Variants in MYT1L observed in about 807,000 individuals in gnomAD.
MYT1L encodes myelin transcription factor 1 like.
In MYT1L, 12 loss-of-function variants were observed where a neutral mutation model predicts 126.7. The ratio of observed to expected loss-of-function variants is 0.09; its 90% CI spans 0.06 to 0.15. The LOEUF is 0.15. MYT1L is among the 10% of genes least tolerant of loss of function. The pLI is 1.00. For synonymous variants in MYT1L, 541 were observed against 604.2 expected (o/e 0.90, Z 1.53); for missense variants, 979 against 1,585.2 (o/e 0.62, Z 6.49).
chr2:2,276,896 C>G (rs1459495518), intron 2 of MYT1L, among the ~76,000 whole-genome samples: 1 of 152,198 alleles, frequency 6.6e-6, no homozygotes, highest in East Asian at 1.9e-4. Context: ...GTCCCCAGAG[C>G]CCATGGTGCT....
At chr2:2,122,868 T>TGAGAGA (rs1180148782) in intron 3 of MYT1L, among the ~76,000 whole-genome samples, 2 of 143,500 alleles carry the variant, frequency 1.4e-5, no homozygotes, top group African/African-American at 5.5e-5. Flanking sequence ...TGTGTGTGTG[T>TGAGAGA]GTGTGAGAGA....
intron 8 of MYT1L, among the ~76,000 whole-genome samples, chr2:1,951,611 C>T (rs113136918): frequency 2.6e-5 from 4 of 152,192 alleles, no homozygotes; most frequent in African/African-American, 9.7e-5. Flanking sequence ...CTCACCAAGT[C>T]GCTCCAGGAT....
intron 11 of MYT1L, among the ~76,000 whole-genome samples, chr2:1,914,806 C>T (rs555640959): frequency 5.9e-5 from 9 of 152,344 alleles, no homozygotes; most frequent in Non-Finnish European, 1.2e-4. Context: ...CTGGATGTTT[C>T]GTGAATCTGC....
intron 1 of MYT1L, among the ~76,000 whole-genome samples, chr2:2,319,918 T>C (rs915480892): frequency 6.6e-6 from 1 of 152,106 alleles, no homozygotes; most frequent in East Asian, 1.9e-4. Context: ...GTTATGGCAC[T>C]AAGAGGGAAG....
At chr2:2,050,607 G>A (rs1295843160) in intron 4 of MYT1L, among the ~76,000 whole-genome samples, 2 of 152,110 alleles carry the variant, frequency 1.3e-5, no homozygotes, top group African/African-American at 4.8e-5. Context: ...CTTGTTCTAT[G>A]GCATTTTTAT....
intron 13 of MYT1L, among the ~76,000 whole-genome samples, chr2:1,903,975 CTCT>C (rs565099266): frequency 6.6e-6 from 1 of 152,188 alleles, no homozygotes; most frequent in Non-Finnish European, 1.5e-5. Context: ...GTGTGTCCAC[CTCT>C]TCATCGGTCT....
Position 1,851,720 on chromosome 2 carries a change from A to G in MYT1L, c.2712-17T>C, listed in dbSNP as rs754642607. The G allele has an allele frequency of 3.7e-6, 6 of 1,610,878 alleles. No individual in the cohort carries two copies. The highest frequency in any genetic ancestry group is 5.1e-6 in the Non-Finnish European group (6 of 1,177,348). On this transcript the variant is annotated splice_polypyrimidine_tract_variant and intron_variant, in intron 18 of 24. Transcript: ENST00000647738. The stretch of plus-strand genomic sequence containing the variant: ...GTGGGGCACCTACAATAAAAAATGC[A>G]AATTGTGTTAAAATGGAAAGAAATA...
At chr2:2,006,056 A>G (rs181403835) in intron 4 of MYT1L, among the ~76,000 whole-genome samples, 70 of 125,454 alleles carry the variant, frequency 5.6e-4, no homozygotes, top group African/African-American at 2.1e-3. Flanking sequence ...TCCTGCATGC[A>G]TTCTTTCCTG....
intron 2 of MYT1L, among the ~76,000 whole-genome samples, chr2:2,196,566 TATAAC>T (rs554932237): frequency 9.2e-5 from 14 of 151,474 alleles, no homozygotes; most frequent in Non-Finnish European, 1.3e-4. Flanking sequence ...TTATATAACA[TATAAC>T]ATATTTAATA....
chr2:1,803,150 G>GA lies in MYT1L; in HGVS notation c.3173-1352dup, dbSNP rs529801623. On this transcript the variant is annotated intron_variant, in intron 22 of 24. Coordinates refer to ENST00000647738, the MANE Select transcript of MYT1L (RefSeq NM_001303052.2). Reference sequence around the variant, plus strand: ...CCTTAGATGCGGCTTTTAGTGAAACGAAAAAAAAGTTATACCCTCAAGATA... The same window carrying GA: ...CCTTAGATGCGGCTTTTAGTGAAACGAAAAAAAAAGTTATACCCTCAAGATA... 1.8e-3 allele frequency among the ~76,000 whole-genome samples: 274 copies of GA among 151,648 alleles called. 1 individual carries two copies. Among genetic ancestry groups the GA allele is most frequent in the African/African-American group, 6.3e-3 (259 of 41,380 alleles).
Position 2,236,574 on chromosome 2 carries a change from C to A in MYT1L, c.-421+47830G>T, listed in dbSNP as rs115721047. Reference sequence around the variant, plus strand: ...CATCCCAACCCAACCCAGTATGTCACAACCCAGCCCAGCACATCCCAACCC... The same window carrying A: ...CATCCCAACCCAACCCAGTATGTCAAAACCCAGCCCAGCACATCCCAACCC... On this transcript the variant is annotated intron_variant, in intron 2 of 24. Transcript: ENST00000647738. 2.8e-3 allele frequency among the ~76,000 whole-genome samples: 404 copies of A among 145,656 alleles called. 5 individuals carry two copies. The highest frequency in any genetic ancestry group is 9.6e-3 in the African/African-American group (374 of 38,784).
intron 21 of MYT1L, chr2:1,824,821 A>G (rs1272676046): frequency 2.0e-5 from 3 of 152,260 alleles, no homozygotes; most frequent in Non-Finnish European, 4.4e-5. Context: ...TTTGGCTAGC[A>G]TTTGGTGCTT....
intron 13 of MYT1L, among the ~76,000 whole-genome samples, chr2:1,906,510 G>C (rs2051077070): frequency 2.6e-5 from 4 of 152,108 alleles, no homozygotes; most frequent in Admixed American, 2.6e-4. Context: ...TTTAAGAAAA[G>C]AAAGTCAGAT....
intron 3 of MYT1L, among the ~76,000 whole-genome samples, chr2:2,061,599 G>A (rs539941500): frequency 3.9e-5 from 6 of 152,210 alleles, no homozygotes; most frequent in Admixed American, 3.3e-4. Context: ...GAAGAACTTT[G>A]ATGCCCTCTT....
intron 5 of MYT1L, among the ~76,000 whole-genome samples, chr2:1,985,106 C>T (rs1433839121): frequency 6.6e-6 from 1 of 152,186 alleles, no homozygotes; most frequent in Admixed American, 6.5e-5. Context: ...AACCTGAGCT[C>T]CAGGCCTCCC....
chr2:2,232,159 A>T (rs1051659045), intron 2 of MYT1L, among the ~76,000 whole-genome samples: 2 of 152,208 alleles, frequency 1.3e-5, no homozygotes, highest in African/African-American at 4.8e-5. Flanking sequence ...TGAAGAAAGG[A>T]TGCATTCAGT....
At chr2:2,161,901 T>C (rs557415947) in intron 3 of MYT1L, among the ~76,000 whole-genome samples, 4 of 152,160 alleles carry the variant, frequency 2.6e-5, no homozygotes, top group South Asian at 2.1e-4. Flanking sequence ...AAAAGCAAAG[T>C]TGGGGTTCTA....
At chr2:2,139,146 G>C (rs978451895) in intron 3 of MYT1L, among the ~76,000 whole-genome samples, 1 of 151,778 alleles carries the variant, frequency 6.6e-6, no homozygotes, top group African/African-American at 2.4e-5. Context: ...TCCTGCAACA[G>C]AGCATATGGA....
intron 2 of MYT1L, among the ~76,000 whole-genome samples, chr2:2,217,688 C>CAAAAAAAAAAAAA (rs1192733884): frequency 1.4e-5 from 1 of 70,878 alleles, no homozygotes; most frequent in African/African-American, 7.9e-5. Flanking sequence ...ACAACAACAA[C>CAAAAAAAAAAAAA]AACAACAACA....
Sources: allele counts gnomAD v4.1 joint callset (sites outside exome capture counted in the v4.1 genomes callset), GRCh38; gene constraint gnomAD v4.1.1; transcripts MANE v1.5; gene names NCBI Gene and HGNC (gene_info 2026-07-23, HGNC 2026-07-21).